The following DPP10 variants were observed in gnomAD, a reference collection of about 807,000 sequenced individuals.
DPP10 encodes the protein dipeptidyl peptidase like 10, also known as inactive dipeptidyl peptidase 10.
Under a neutral mutation model 120.9 loss-of-function variants are expected in DPP10, and 33 were observed. The observed-to-expected ratio is 0.27, with a 90% CI of 0.21 to 0.37. DPP10 has a LOEUF of 0.37. DPP10 is among the 10% of genes least tolerant of loss of function. DPP10 has a pLI of 1.00. For missense variants in DPP10, 816 were observed against 942.8 expected (o/e 0.87, Z 1.76); for synonymous variants, 337 against 326.1 (o/e 1.03, Z -0.36).
At chr2:115,155,934 T>C (rs1355272978) in intron 1 of DPP10, among the ~76,000 whole-genome samples, 1 of 152,212 alleles carries the variant, frequency 6.6e-6, no homozygotes, top group East Asian at 1.9e-4. Flanking sequence ...TTCCTCTTCT[T>C]TCTCTTTCTT....
intron 1 of DPP10, among the ~76,000 whole-genome samples, chr2:114,663,668 T>TATATATATAGAGAGAGAGAGAG: frequency 3.7e-4 from 30 of 80,696 alleles, no homozygotes; most frequent in African/African-American, 2.3e-3. Flanking sequence ...TATATATATA[T>TATATATATAGAGAGAGAGAGAG]AGAGAGAGAG....
intron 3 of DPP10, among the ~76,000 whole-genome samples, chr2:115,347,049 C>A (rs1343465454): frequency 6.6e-6 from 1 of 152,116 alleles, no homozygotes; most frequent in Non-Finnish European, 1.5e-5. Context: ...ACAGCCAACA[C>A]TGCTGTAACA....
At chr2:114,632,503 GTTTT>G (rs756591992) in intron 1 of DPP10, among the ~76,000 whole-genome samples, 2 of 88,622 alleles carry the variant, frequency 2.3e-5, no homozygotes, top group Admixed American at 2.4e-4. Context: ...TGGACTTAGG[GTTTT>G]TTTTTTTTTT....
chr2:115,157,650 T>C (rs1251246104), intron 1 of DPP10, among the ~76,000 whole-genome samples: 1 of 152,216 alleles, frequency 6.6e-6, no homozygotes, highest in Non-Finnish European at 1.5e-5. Context: ...GGACATGATG[T>C]GCATTTTGGG....
At chr2:114,859,835 T>C (rs1003556221) in intron 1 of DPP10, among the ~76,000 whole-genome samples, 2 of 152,192 alleles carry the variant, frequency 1.3e-5, no homozygotes, top group African/African-American at 4.8e-5. Flanking sequence ...TCTCTTGTTT[T>C]CCCATCAATT....
At position 115,583,363 on chromosome 2, in the gene DPP10, T is replaced by C. The variant is rs2082106396; in HGVS notation, c.441+57391T>C. Among the ~76,000 whole-genome samples, 5 of 152,208 alleles carry C rather than the reference T, an allele frequency of 3.3e-5. No homozygotes were observed. The South Asian group carries it at 6.2e-4, about 19-fold the overall frequency. ...AGAAATTTGAATAAGGAGATTATTG[T>C]CTTCCACTGGATATTAACGGAGATT... On this transcript the variant is annotated intron_variant, in intron 5 of 25. Transcript: ENST00000410059.
intron 1 of DPP10, among the ~76,000 whole-genome samples, chr2:115,218,381 C>T (rs1021295927): frequency 1.3e-5 from 2 of 151,998 alleles, no homozygotes; most frequent in Admixed American, 6.6e-5. Context: ...AAAGTTCTGC[C>T]GGATCCTTAT....
intron 1 of DPP10, among the ~76,000 whole-genome samples, chr2:114,718,387 A>G (rs981776801): frequency 1.3e-4 from 17 of 128,874 alleles, no homozygotes; most frequent in African/African-American, 4.9e-4. Context: ...GGCGAGAGTG[A>G]GAGACTCTGT....
chr2:114,632,535 A>T, intron 1 of DPP10, among the ~76,000 whole-genome samples: 1 of 116,720 alleles, frequency 8.6e-6, no homozygotes, highest in Non-Finnish European at 1.7e-5. Context: ...TTTTTGGAGA[A>T]GGAGTCTTGC....
At chr2:115,452,327 C>T (rs992190434) in intron 3 of DPP10, among the ~76,000 whole-genome samples, 7 of 151,806 alleles carry the variant, frequency 4.6e-5, no homozygotes, top group Non-Finnish European at 1.0e-4. Context: ...CTGTAGCATG[C>T]CCCCATATCT....
intron 21 of DPP10, among the ~76,000 whole-genome samples, chr2:115,827,443 T>TAC: frequency 7.2e-6 from 1 of 139,832 alleles, no homozygotes; most frequent in Non-Finnish European, 1.5e-5. Flanking sequence ...TATATATATA[T>TAC]ATATGCTCTA....
rs188121401 is a variant in DPP10 at position 115,004,369 on chromosome 2, G to C, written c.61-304870G>C. Among the ~76,000 whole-genome samples, 141 of 152,336 alleles carry C rather than the reference G, an allele frequency of 9.3e-4. 1 individual carries two copies. Among genetic ancestry groups the C allele is most frequent in the African/African-American group, 3.2e-3 (135 of 41,590 alleles). ...ACAAATATCTAGGGGGAGGAGCCAAGATGGCCGAATAGGAACAGCTCCGGT... is the reference window on the plus strand; with the variant it reads ...ACAAATATCTAGGGGGAGGAGCCAACATGGCCGAATAGGAACAGCTCCGGT... On this transcript the variant is annotated intron_variant, in intron 1 of 25. Coordinates refer to ENST00000410059, the MANE Select transcript of DPP10 (RefSeq NM_020868.6).
intron 11 of DPP10, among the ~76,000 whole-genome samples, chr2:115,759,406 A>T (rs559322589): frequency 1.1e-4 from 17 of 151,986 alleles, no homozygotes; most frequent in East Asian, 3.9e-4. Context: ...TAAAAAAAAA[A>T]AAATAAAAGC....
At chr2:115,286,491 A>ATATATT (rs1491492670) in intron 1 of DPP10, among the ~76,000 whole-genome samples, 7 of 85,476 alleles carry the variant, frequency 8.2e-5, no homozygotes, top group African/African-American at 2.7e-4. Flanking sequence ...ATATATATAT[A>ATATATT]ATATATATAT....
intron 1 of DPP10, among the ~76,000 whole-genome samples, chr2:114,842,598 T>C (rs1574322897): frequency 6.6e-6 from 1 of 152,104 alleles, no homozygotes; most frequent in African/African-American, 2.4e-5. Flanking sequence ...TAATGTGTTT[T>C]CTCCAGTCTT....
chr2:115,340,690 G>A (rs1255198529), intron 2 of DPP10, among the ~76,000 whole-genome samples: 1 of 151,144 alleles, frequency 6.6e-6, no homozygotes, highest in East Asian at 1.9e-4. Flanking sequence ...TGAAATATGT[G>A]GAACTCATTA....
intron 3 of DPP10, among the ~76,000 whole-genome samples, chr2:115,482,094 A>G (rs2075468185): frequency 1.3e-5 from 2 of 152,066 alleles, no homozygotes; most frequent in South Asian, 2.1e-4. Context: ...GCCAAAATAT[A>G]TCTAAAGTTT....
rs759914774 is a variant in DPP10 at position 115,689,947 on chromosome 2, G to A, written c.576+26G>A. The A allele has an allele frequency of 1.9e-5, 30 of 1,591,812 alleles. 1 individual carries two copies. The South Asian group carries it at 2.7e-4, about 15-fold the overall frequency. On this transcript the variant is annotated intron_variant, in intron 7 of 25. Transcript: ENST00000410059. Reference sequence around the variant, plus strand: ...GTAAGCGCAGGCATTGGTATGCACTGAACACTGCCAATCATGGTTTTATGG... The same window carrying A: ...GTAAGCGCAGGCATTGGTATGCACTAAACACTGCCAATCATGGTTTTATGG...
At chr2:115,464,078 A>C (rs191812628) in intron 3 of DPP10, among the ~76,000 whole-genome samples, 22 of 152,092 alleles carry the variant, frequency 1.4e-4, no homozygotes, top group Admixed American at 1.4e-3. Context: ...TTCAATTGTT[A>C]TAGGGTCCTC....
Sources: allele counts gnomAD v4.1 joint callset (sites outside exome capture counted in the v4.1 genomes callset), GRCh38; gene constraint gnomAD v4.1.1; transcripts MANE v1.5; gene names NCBI Gene and HGNC (gene_info 2026-07-23, HGNC 2026-07-21).